The following BICD1 variants were observed in gnomAD, a reference collection of about 807,000 sequenced individuals.
The protein encoded by BICD1 is protein bicaudal D homolog 1.
BICD1 carries 35 observed loss-of-function variants against 92.5 expected under a neutral mutation model. The observed-to-expected ratio is 0.38, with a 90% CI of 0.29 to 0.50. The LOEUF is 0.50. Among genes scored for constraint, BICD1 ranks in the 20% least tolerant of loss-of-function variants. The pLI is 0.93. For synonymous variants in BICD1, 429 were observed against 465.1 expected (o/e 0.92, Z 1.00); for missense variants, 950 against 1,189.8 (o/e 0.80, Z 2.97).
At position 32,367,896 on chromosome 12, in the gene BICD1, T is replaced by C. The variant is rs141351414; in HGVS notation, c.2840+151T>C. ...GCTACATAGACACACATTGGACACC[T>C]GCAGTCCCTGCGTTCCCAGTAGGAA... On this transcript the variant is annotated intron_variant, in intron 9 of 9. Transcript: ENST00000652176. 5.6e-4 allele frequency: 382 copies of C among 676,894 alleles called. No homozygotes were observed. The African/African-American group carries it at 6.5e-3, about 11-fold the overall frequency. The allele number at this position is 676,894 out of a possible 1,614,324, so 41.9% of individuals were successfully genotyped here. A position where few individuals can be genotyped will look rare whatever the true frequency, so the allele number is the denominator to read the frequency against.
At chr12:32,311,976 G>T (rs540387023) in intron 4 of BICD1, among the ~76,000 whole-genome samples, 10 of 152,180 alleles carry the variant, frequency 6.6e-5, no homozygotes, top group African/African-American at 1.9e-4. Flanking sequence ...TAAATAAAAC[G>T]CATCCGATGA....
intron 7 of BICD1, 133 bp from the exon 8 acceptor site, chr12:32,338,652 GC>G: frequency 5.6e-6 from 4 of 710,832 alleles, no homozygotes; most frequent in Admixed American, 3.7e-5. Flanking sequence ...AAAAAAAAAA[GC>G]AAAAAGATTG....
chr12:32,346,997 G>T, intron 8 of BICD1, among the ~76,000 whole-genome samples: 1 of 148,586 alleles, frequency 6.7e-6, no homozygotes. Flanking sequence ...TGTTGCCCAG[G>T]CTGGAGTGCA....
intron 2 of BICD1, among the ~76,000 whole-genome samples, chr12:32,267,723 A>G (rs977058496): frequency 6.6e-6 from 1 of 152,150 alleles, no homozygotes; most frequent in Non-Finnish European, 1.5e-5. Context: ...CTGCAATGAC[A>G]TTTTTGTTGT....
At chr12:32,331,466 G>T (rs1194686820) in intron 5 of BICD1, among the ~76,000 whole-genome samples, 1 of 152,136 alleles carries the variant, frequency 6.6e-6, no homozygotes, top group East Asian at 1.9e-4. Context: ...TGTTTTGGGG[G>T]ACAAGAAATG....
chr12:32,244,813 G>C (rs1946330592), intron 2 of BICD1, among the ~76,000 whole-genome samples: 1 of 152,012 alleles, frequency 6.6e-6, no homozygotes, highest in Non-Finnish European at 1.5e-5. Context: ...ATTTTTAGTA[G>C]AAATGGGGTT....
intron 9 of BICD1, among the ~76,000 whole-genome samples, chr12:32,376,838 A>G (rs1939988388): frequency 1.5e-5 from 2 of 134,476 alleles, no homozygotes; most frequent in South Asian, 2.8e-4. Flanking sequence ...ACTGCACACC[A>G]GCCTGGGCAA....
chr12:32,376,964 C>T (rs1048591167), intron 9 of BICD1, among the ~76,000 whole-genome samples: 4 of 151,788 alleles, frequency 2.6e-5, no homozygotes, highest in Non-Finnish European at 5.9e-5. Flanking sequence ...TAGACTTCCA[C>T]AGGCAAATTC....
chr12:32,289,242 A>G (rs550465791), intron 2 of BICD1, among the ~76,000 whole-genome samples: 1 of 152,354 alleles, frequency 6.6e-6, no homozygotes, highest in South Asian at 2.1e-4. Context: ...CCATACCCAC[A>G]GAGTGTGAAA....
chr12:32,340,440 G>A (rs1306703785), intron 8 of BICD1: 39 of 985,136 alleles, frequency 4.0e-5, no homozygotes, highest in Non-Finnish European at 3.6e-5. Context: ...TACCTAACTC[G>A]GATAAAACCC....
intron 1 of BICD1, among the ~76,000 whole-genome samples, chr12:32,156,714 A>G (rs1943449408): frequency 6.6e-6 from 1 of 152,174 alleles, no homozygotes. Flanking sequence ...TGGCATCCCT[A>G]TGCTTGGTAT....
chr12:32,114,360 G>A (rs1941812484), intron 1 of BICD1, among the ~76,000 whole-genome samples: 1 of 152,026 alleles, frequency 6.6e-6, no homozygotes. Flanking sequence ...TACATTGCAT[G>A]ATGGATTCAG....
chr12:32,303,109 A>G (rs548687832), intron 3 of BICD1, among the ~76,000 whole-genome samples: 3 of 151,252 alleles, frequency 2.0e-5, no homozygotes, highest in African/African-American at 7.3e-5. Context: ...TAATTTTCTT[A>G]TTTTTTGTAG....
chr12:32,376,766 G>T (rs956657769), intron 9 of BICD1, among the ~76,000 whole-genome samples: 20 of 151,458 alleles, frequency 1.3e-4, no homozygotes, highest in African/African-American at 4.4e-4. Flanking sequence ...TGCTCGGGAG[G>T]CTGAGGCAGG....
At position 32,276,080 on chromosome 12, in the gene BICD1, G is replaced by A. The variant is rs542251764; in HGVS notation, c.427-17914G>A. On this transcript the variant is annotated intron_variant, in intron 2 of 9. Coordinates refer to ENST00000652176, the MANE Select transcript of BICD1 (RefSeq NM_001714.4). ...TTTTGGCGACCATGAAGGGACCTCCGAAGCGTTTGTCTCTTCCAGAATTGA... is the reference window on the plus strand; with the variant it reads ...TTTTGGCGACCATGAAGGGACCTCCAAAGCGTTTGTCTCTTCCAGAATTGA... 6.6e-5 allele frequency among the ~76,000 whole-genome samples: 10 copies of A among 152,162 alleles called. No individual in the cohort carries two copies. The East Asian group carries it at 7.7e-4, about 12-fold the overall frequency.
chr12:32,117,703 A>AACACACACACACACACACACACAC, intron 1 of BICD1, among the ~76,000 whole-genome samples: 1 of 129,612 alleles, frequency 7.7e-6, no homozygotes, highest in East Asian at 2.4e-4. Flanking sequence ...TATATACACA[A>AACACACACACACACACACACACAC]ATATATATAC....
intron 2 of BICD1, among the ~76,000 whole-genome samples, chr12:32,236,345 A>C (rs1946072956): frequency 6.6e-6 from 1 of 152,070 alleles, no homozygotes; most frequent in South Asian, 2.1e-4. Context: ...CAGTGAGCCA[A>C]GATCATGCCA....
chr12:32,310,261 G>A (rs972583053), intron 4 of BICD1, among the ~76,000 whole-genome samples: 1 of 152,218 alleles, frequency 6.6e-6, no homozygotes, highest in African/African-American at 2.4e-5. Context: ...ACCCCTAAAT[G>A]TAGGTCCACG....
intron 1 of BICD1, among the ~76,000 whole-genome samples, chr12:32,138,546 A>G (rs1942805745): frequency 6.6e-6 from 1 of 152,182 alleles, no homozygotes; most frequent in African/African-American, 2.4e-5. Context: ...TTGACTTTAT[A>G]TAAACCATAT....
Sources: gnomAD v4.1 joint callset for allele counts (sites outside exome capture counted in the v4.1 genomes callset) on GRCh38, gnomAD v4.1.1 for gene constraint, MANE v1.5 for transcripts, NCBI Gene and HGNC (gene_info 2026-07-23, HGNC 2026-07-21) for gene names.